DNAH10: variants seen among roughly 807,000 people sequenced by gnomAD.
The protein encoded by DNAH10 is dynein axonemal heavy chain 10.
Under a neutral mutation model 506.6 loss-of-function variants are expected in DNAH10, and 348 were observed. The observed-to-expected ratio is 0.69, with a 90% CI of 0.63 to 0.75. The LOEUF is 0.75. DNAH10 is among the 30% of genes least tolerant of loss of function. DNAH10 has a pLI of 0.00. For synonymous variants in DNAH10, 2,059 were observed against 2,198.6 expected (o/e 0.94, Z 1.78); for missense variants, 5,179 against 5,787.1 (o/e 0.89, Z 3.41).
chr12:123,835,649 G>T, intron 28 of DNAH10, 121 bp downstream of exon 28: 1 of 1,407,672 alleles, frequency 7.1e-7, no homozygotes, highest in Non-Finnish European at 9.4e-7. Context: ...TTTAGAGACA[G>T]GGTTTTGCTC....
chr12:123,847,818 TG>T, intron 32 of DNAH10, 142 bp from the exon 33 acceptor site: 2 of 1,104,342 alleles, frequency 1.8e-6, no homozygotes, highest in Non-Finnish European at 2.6e-6. Context: ...GGGCATCCTG[TG>T]GCCCAGTCAA....
In DNAH10 at chr12:123,792,574, C is replaced by T. The variant is rs11829499; in HGVS notation, c.1816-1368C>T. 7.5e-3 allele frequency among the ~76,000 whole-genome samples: 1,139 copies of T among 151,552 alleles called. 20 individuals carry two copies. Among genetic ancestry groups the T allele is most frequent in the African/African-American group, 0.026 (1,062 of 41,094 alleles). ...TCCTGGGTTCAAGCAATTCTCTTGCCTTGGCCTTCTGAGTAGCTGGGGTTA... is the reference window on the plus strand; with the variant it reads ...TCCTGGGTTCAAGCAATTCTCTTGCTTTGGCCTTCTGAGTAGCTGGGGTTA... On this transcript the variant is annotated intron_variant, in intron 11 of 78. Coordinates refer to ENST00000673944, the MANE Select transcript of DNAH10 (RefSeq NM_001372106.1).
At chr12:123,875,807 C>T (rs1166664405) in intron 47 of DNAH10, among the ~76,000 whole-genome samples, 1 of 152,156 alleles carries the variant, frequency 6.6e-6, no homozygotes, top group Non-Finnish European at 1.5e-5. Flanking sequence ...AATCAACTAG[C>T]AGGCTGGGGC....
chr12:123,925,037 T>C lies in DNAH10; in HGVS notation c.11767-13T>C. The C allele has an allele frequency of 6.2e-7, 1 of 1,613,518 alleles. No individual in the cohort carries two copies. The highest frequency in any genetic ancestry group is 1.7e-4 in the Middle Eastern group (1 of 6,060). ...TGAGTTGACGCACAATGAATATTCT[T>C]TGCTTTTCCCAGTGGTATGACCTGG... On this transcript the variant is annotated splice_polypyrimidine_tract_variant and intron_variant, in intron 67 of 78. Coordinates refer to ENST00000673944, the MANE Select transcript of DNAH10 (RefSeq NM_001372106.1). This position sits in a 1 kb window ranked among gnomAD's most constrained non-coding sequence, Gnocchi z 4.0.
At chr12:123,892,459 C>G (rs1295973358) in intron 52 of DNAH10, among the ~76,000 whole-genome samples, 1 of 152,220 alleles carries the variant, frequency 6.6e-6, no homozygotes, top group African/African-American at 2.4e-5. Flanking sequence ...TCACCTCCCA[C>G]CGGGCCCCAC....
At chr12:123,794,460 G>A (rs1159701954) in intron 12 of DNAH10, among the ~76,000 whole-genome samples, 4 of 152,170 alleles carry the variant, frequency 2.6e-5, no homozygotes, top group Non-Finnish European at 4.4e-5. Context: ...CATATCTCAA[G>A]TATGGTGTTA....
chr12:123,860,501 T>C (rs1951569934), intron 38 of DNAH10, among the ~76,000 whole-genome samples: 1 of 152,178 alleles, frequency 6.6e-6, no homozygotes, highest in South Asian at 2.1e-4. Flanking sequence ...ATTAATCCTA[T>C]AGTTAGTGCT....
intron 43 of DNAH10, among the ~76,000 whole-genome samples, chr12:123,869,816 T>C (rs879428932): frequency 2.6e-5 from 4 of 152,284 alleles, no homozygotes; most frequent in Non-Finnish European, 4.4e-5. Flanking sequence ...AAGTAAAGCC[T>C]TGCATGGCCT....
At chr12:123,889,699 A>G (rs185003728) in intron 52 of DNAH10, among the ~76,000 whole-genome samples, 3 of 152,092 alleles carry the variant, frequency 2.0e-5, no homozygotes, top group Admixed American at 1.3e-4. Flanking sequence ...GTGTGATCAC[A>G]CTCCCTATGG....
rs140214097 is a variant in DNAH10 at position 123,785,585 on chromosome 12, G to C, written c.1231-161G>C. On this transcript the variant is annotated intron_variant, in intron 8 of 78. Coordinates refer to ENST00000673944, the MANE Select transcript of DNAH10 (RefSeq NM_001372106.1). The surrounding 1 kb of genome is among the most constrained non-coding windows in gnomAD (Gnocchi z 4.1). The stretch of plus-strand genomic sequence containing the variant: ...CGCAGGGGAGTCGAGGCTGCAGTAA[G>C]CCATGTTTGTGCCATTGCACTCCAG... Among the ~76,000 whole-genome samples, 384 of 148,886 alleles carry C rather than the reference G, an allele frequency of 2.6e-3. 2 individuals carry two copies. Among genetic ancestry groups the C allele is most frequent in the African/African-American group, 9.0e-3 (364 of 40,228 alleles).
rs144606188 is a variant in DNAH10, at chr12:123,878,322, C to T, written c.8372+414C>T. 1.3e-4 allele frequency among the ~76,000 whole-genome samples: 20 copies of T among 152,216 alleles called. No homozygotes were observed. The East Asian group carries it at 2.5e-3, about 19-fold the overall frequency. ...TTAAGTCACGATATAGGGAAATTCC[C>T]GATTAAAACTAGGCTTATACCTTTA... On this transcript the variant is annotated intron_variant, in intron 48 of 78. Coordinates refer to ENST00000673944, the MANE Select transcript of DNAH10 (RefSeq NM_001372106.1).
intron 69 of DNAH10, chr12:123,927,828 C>CA (rs1341684093): frequency 6.5e-6 from 1 of 153,796 alleles, no homozygotes; most frequent in African/African-American, 2.4e-5. Flanking sequence ...CCCTGGGCAC[C>CA]AGCAAGGCGG....
Position 123,781,316 on chromosome 12 carries a change from C to T in DNAH10, c.841+17C>T. The T allele has an allele frequency of 6.3e-7, 1 of 1,599,904 alleles. No homozygotes were observed. Among genetic ancestry groups the T allele is most frequent in the Non-Finnish European group, 8.5e-7 (1 of 1,170,268 alleles). On this transcript the variant is annotated intron_variant, in intron 6 of 78. Transcript: ENST00000673944. ...AACTTGAAGGTAAGGTTTCATTTTC[C>T]TCCTTTTTAGTTAAGAATGATTAAT...
intron 36 of DNAH10, among the ~76,000 whole-genome samples, chr12:123,856,495 C>T (rs952732399): frequency 2.0e-5 from 3 of 150,186 alleles, no homozygotes; most frequent in Non-Finnish European, 4.4e-5. Flanking sequence ...TGCCGCCACA[C>T]CCAGCTAATT....
chr12:123,835,295 C>A, intron 27 of DNAH10, 111 bp from the exon 28 acceptor site: 1 of 1,273,340 alleles, frequency 7.9e-7, no homozygotes, highest in Non-Finnish European at 1.1e-6. Context: ...CCTGGAAGGT[C>A]CTCCCACCTG....
In DNAH10 at chr12:123,841,436, G is replaced by A. The variant is rs377233946; in HGVS notation, c.5251G>A (p.Ala1751Thr). 3.1e-6 allele frequency: 5 copies of A among 1,614,012 alleles called. No homozygotes were observed. Among genetic ancestry groups the A allele is most frequent in the East Asian group, 2.2e-5 (1 of 44,886 alleles). ...EVMEFRKILRAEGRVEDWMTA... is the reference protein window; with the variant it reads ...EVMEFRKILRTEGRVEDWMTA... ...CATGGAGTTTCGGAAGATCTTGCGG[G>A]CTGAAGGGCGCGTGGAGGACTGGAT... The change falls in exon 30 of 79, where the codon GCT becomes ACT. Residue 1751 changes from alanine (A) to threonine (T), a missense_variant. Around this residue, in one of 3 missense-constraint regions of DNAH10, gnomAD observed 4,844 missense variants for 5,430.5 expected, o/e 0.89. Transcript: ENST00000673944.
rs1954917996 is a variant in DNAH10 at position 123,925,828 on chromosome 12, T to C, written c.11921+624T>C. On this transcript the variant is annotated intron_variant, in intron 68 of 78. Coordinates refer to ENST00000673944, the MANE Select transcript of DNAH10 (RefSeq NM_001372106.1). The surrounding 1 kb of genome is among the most constrained non-coding windows in gnomAD (Gnocchi z 4.0). ...CCTGCTGACTGATACCAGGTGCCATTGGGAACCCACAGTGGCTGGATCCTC... is the reference window on the plus strand; with the variant it reads ...CCTGCTGACTGATACCAGGTGCCATCGGGAACCCACAGTGGCTGGATCCTC... 1.3e-5 allele frequency: 2 copies of C among 152,274 alleles called. No homozygotes were observed. The highest frequency in any genetic ancestry group is 2.4e-5 in the African/African-American group (1 of 41,452). 9.4% of individuals were successfully genotyped at this position (152,274 alleles called of 1,614,324 possible). A position where few individuals can be genotyped will look rare whatever the true frequency, so the allele number is the denominator to read the frequency against.
intron 11 of DNAH10, 84 bp from the exon 12 acceptor site, chr12:123,793,858 A>AT (rs1013048091): frequency 5.6e-3 from 5,634 of 1,005,390 alleles, no homozygotes; most frequent in East Asian, 9.2e-3. Context: ...CAAACCACTG[A>AT]TTTTTTTTTT....
At position 123,813,013 on chromosome 12, in the gene DNAH10, G is replaced by A; in HGVS notation, c.3145-151G>A. 4 of 634,900 alleles carry A rather than the reference G, an allele frequency of 6.3e-6. No individual in the cohort carries two copies. The Admixed American group carries it at 1.2e-4, about 20-fold the overall frequency. The allele number at this position is 634,900 out of a possible 1,614,324, so 39.3% of individuals were successfully genotyped here. On this transcript the variant is annotated intron_variant, in intron 19 of 78. Coordinates refer to ENST00000673944, the MANE Select transcript of DNAH10 (RefSeq NM_001372106.1). Reference sequence around the variant, plus strand: ...TCCATCTCTTGATGAGAGGAACAAAGGATTATGGTAATTTTTGAATCTCAA... The same window carrying A: ...TCCATCTCTTGATGAGAGGAACAAAAGATTATGGTAATTTTTGAATCTCAA...
Sources: allele counts gnomAD v4.1 joint callset (sites outside exome capture counted in the v4.1 genomes callset), GRCh38; gene constraint gnomAD v4.1.1; regional missense constraint gnomAD v4.1.1; non-coding constraint Gnocchi (gnomAD v3.1); transcripts MANE v1.5; gene names NCBI Gene and HGNC (gene_info 2026-07-23, HGNC 2026-07-21).